The following PCDH7 variants were observed in gnomAD, a reference collection of about 807,000 sequenced individuals.
PCDH7 encodes protocadherin-7.
PCDH7 carries 17 observed loss-of-function variants against 58.9 expected under a neutral mutation model. The observed-to-expected ratio is 0.29, with a 90% CI of 0.20 to 0.43. The LOEUF is 0.43. PCDH7 is among the 20% of genes least tolerant of loss of function. PCDH7 has a pLI of 1.00. For synonymous variants in PCDH7, 664 were observed against 616.4 expected, an observed-to-expected ratio of 1.08 and a Z score of -1.14; for missense variants, 1,274 against 1,441.0, an observed-to-expected ratio of 0.88 and a Z score of 1.88.
intron 1 of PCDH7, among the ~76,000 whole-genome samples, chr4:30,913,080 A>G (rs1176591819): frequency 6.6e-6 from 1 of 151,292 alleles, no homozygotes; most frequent in Non-Finnish European, 1.5e-5. Flanking sequence ...CTATACAGGA[A>G]CTTTTGGACA....
chr4:30,736,964 T>C (rs141383542), downstream of PCDH7, among the ~76,000 whole-genome samples: 717 of 152,268 alleles, frequency 4.7e-3, 8 homozygotes, highest in African/African-American at 0.016. Context: ...GATTGCAAAA[T>C]GTAAGCTACG....
chr4:30,767,834 G>A (rs1414223530), intron 1 of PCDH7, among the ~76,000 whole-genome samples: 2 of 152,126 alleles, frequency 1.3e-5, no homozygotes, highest in East Asian at 3.9e-4. Context: ...AAAATTCTTT[G>A]TACTGCTTAT....
At chr4:30,776,858 G>GGT (rs57657077) in intron 1 of PCDH7, among the ~76,000 whole-genome samples, 112,889 of 147,582 alleles carry the variant, frequency 0.76, 43,323 homozygotes, top group Middle Eastern at 0.81. Context: ...TTTGATATGT[G>GGT]GTGTGTGTGT....
intron 1 of PCDH7, among the ~76,000 whole-genome samples, chr4:30,820,990 A>G (rs1356549372): frequency 6.6e-6 from 1 of 152,192 alleles, no homozygotes; most frequent in Non-Finnish European, 1.5e-5. Flanking sequence ...TGGCTTAAAT[A>G]TTGATACTGG....
At chr4:31,036,333 G>A (rs1755412012) in intron 3 of PCDH7, among the ~76,000 whole-genome samples, 1 of 152,022 alleles carries the variant, frequency 6.6e-6, no homozygotes, top group Non-Finnish European at 1.5e-5. Context: ...TTACAGGTGT[G>A]CACCACCACA....
At chr4:30,840,162 C>A (rs1238610343) in intron 1 of PCDH7, among the ~76,000 whole-genome samples, 2 of 150,660 alleles carry the variant, frequency 1.3e-5, no homozygotes, top group African/African-American at 4.9e-5. Flanking sequence ...TTTTTTTAAT[C>A]TAATGTCCTT....
intron 3 of PCDH7, among the ~76,000 whole-genome samples, chr4:31,041,896 A>C (rs2109205521): frequency 6.6e-6 from 1 of 152,258 alleles, no homozygotes; most frequent in South Asian, 2.1e-4. Flanking sequence ...GAATTTTAAA[A>C]AGTTTTCTGT....
intron 3 of PCDH7, among the ~76,000 whole-genome samples, chr4:31,089,064 A>C (rs1292121747): frequency 1.3e-5 from 2 of 152,024 alleles, no homozygotes; most frequent in African/African-American, 4.8e-5. Context: ...TGACTCAGTC[A>C]GAAAATAGCT....
intron 3 of PCDH7, among the ~76,000 whole-genome samples, chr4:30,952,621 G>T (rs770912200): frequency 6.6e-6 from 1 of 152,104 alleles, no homozygotes; most frequent in Non-Finnish European, 1.5e-5. Context: ...AAAAATCAAT[G>T]CAGGTAGAGA....
chr4:30,940,804 G>A (rs1032944605), intron 2 of PCDH7, among the ~76,000 whole-genome samples: 51 of 152,098 alleles, frequency 3.4e-4, no homozygotes, highest in African/African-American at 1.1e-3. Flanking sequence ...GAAGAAATCA[G>A]CAATTTTGTA....
At chr4:30,844,229 C>T (rs1731612994) in intron 1 of PCDH7, among the ~76,000 whole-genome samples, 1 of 152,142 alleles carries the variant, frequency 6.6e-6, no homozygotes, top group African/African-American at 2.4e-5. Context: ...TAAGCATCAA[C>T]AATACGATCC....
intron 3 of PCDH7, among the ~76,000 whole-genome samples, chr4:30,995,205 T>C (rs1192546779): frequency 1.3e-5 from 2 of 152,240 alleles, no homozygotes; most frequent in Admixed American, 1.3e-4. Context: ...TTTATACAAA[T>C]AAGAAAAACA....
exon 4 of PCDH7, chr4:31,142,947 C>CT: frequency 1.1e-6 from 1 of 922,622 alleles, no homozygotes; most frequent in Non-Finnish European, 1.5e-6. Context: ...AAAGAGGGGG[C>CT]TACCAAAGAG....
intron 1 of PCDH7, among the ~76,000 whole-genome samples, chr4:30,881,961 G>T (rs1737026036): frequency 6.6e-6 from 1 of 152,004 alleles, no homozygotes; most frequent in South Asian, 2.1e-4. Flanking sequence ...AAAGCAGAGG[G>T]GCACCCTTAA....
At chr4:30,833,205 A>G (rs1730032867) in intron 1 of PCDH7, among the ~76,000 whole-genome samples, 1 of 152,152 alleles carries the variant, frequency 6.6e-6, no homozygotes, top group African/African-American at 2.4e-5. Context: ...GTCTTAAAAC[A>G]TCTCAAATTT....
At chr4:30,930,749 G>T (rs7683968) in intron 2 of PCDH7, among the ~76,000 whole-genome samples, 117,407 of 151,756 alleles carry the variant, frequency 0.77, 46,255 homozygotes, top group African/African-American at 0.94. Context: ...CTGGGCAACA[G>T]AGTGAGACCC....
intron 1 of PCDH7, among the ~76,000 whole-genome samples, chr4:30,829,075 G>T (rs975259665): frequency 2.0e-5 from 3 of 151,962 alleles, no homozygotes; most frequent in Non-Finnish European, 2.9e-5. Flanking sequence ...AGATACACAT[G>T]TACCTGCACT....
intron 1 of PCDH7, among the ~76,000 whole-genome samples, chr4:30,806,370 T>A (rs949149584): frequency 6.6e-6 from 1 of 151,992 alleles, no homozygotes; most frequent in African/African-American, 2.4e-5. Context: ...AGTTGCACAA[T>A]CTTGGCTCAC....
chr4:30,989,527 A>C (rs1290278409), intron 3 of PCDH7, among the ~76,000 whole-genome samples: 1 of 152,148 alleles, frequency 6.6e-6, no homozygotes, highest in Non-Finnish European at 1.5e-5. Flanking sequence ...ATGCTCATTA[A>C]CCTTTTACAG....
Sources: allele counts gnomAD v4.1 joint callset (sites outside exome capture counted in the v4.1 genomes callset), GRCh38; gene constraint gnomAD v4.1.1; transcripts MANE v1.5; gene names NCBI Gene and HGNC (gene_info 2026-07-23, HGNC 2026-07-21).